AUP1: variants seen among roughly 807,000 people sequenced by gnomAD.
AUP1 encodes the protein lipid droplet-regulating VLDL assembly factor AUP1.
In AUP1, 30 loss-of-function variants were observed where a neutral mutation model predicts 51.8. The ratio of observed to expected loss-of-function variants is 0.58; its 90% CI spans 0.43 to 0.79. AUP1 has a LOEUF of 0.79. Ranked by LOEUF, AUP1 falls within the 30% of genes least tolerant of loss-of-function variation. The pLI is 0.00. For synonymous variants in AUP1, 227 were observed against 209.0 expected (o/e 1.09, Z -0.74); for missense variants, 492 against 517.1 (o/e 0.95, Z 0.47).
At chr2:74,528,970 A>G in intron 3 of AUP1, 35 bp from the exon 4 acceptor site, 2 of 1,598,332 alleles carry the variant, frequency 1.3e-6, no homozygotes, top group Non-Finnish European at 1.7e-6. Context: ...AAGAAGAAAA[A>G]TATTGAGGAA....
Position 74,526,830 on chromosome 2 carries a change from G to GAA in AUP1, c.1201_1202dup (p.Thr402SerfsTer?). The GAA allele has an allele frequency of 1.3e-6, 2 of 1,560,030 alleles. No homozygotes were observed. Among genetic ancestry groups the GAA allele is most frequent in the Non-Finnish European group, 1.7e-6 (2 of 1,150,674 alleles). On this transcript the variant is annotated frameshift_variant, in exon 12 of 12. Coordinates refer to ENST00000377526, the MANE Select transcript of AUP1 (RefSeq NM_181575.5). LOFTEE classifies it high-confidence loss of function. ...CAGCCTCCTGGGCTCGTCTCTCTGT[G>GAA]AATCTCCTGTGGGACATAGGGAGAG...
chr2:74,528,032 G>C, intron 6 of AUP1, 26 bp from the exon 7 acceptor site: 1 of 1,613,766 alleles, frequency 6.2e-7, no homozygotes, highest in Non-Finnish European at 8.5e-7. Context: ...CCAGGGCTAT[G>C]TTGTGGGCAC....
Position 74,528,785 on chromosome 2 carries a change from C to A in AUP1, c.490G>T (p.Ala164Ser), listed in dbSNP as rs1236301406. 6.2e-7 allele frequency: 1 copy of A among 1,611,492 alleles called. No individual in the cohort carries two copies. The highest frequency in any genetic ancestry group is 8.5e-7 in the Non-Finnish European group (1 of 1,178,704). The change falls in exon 4 of 12, where the codon GCC becomes TCC. Residue 164 changes from alanine (A) to serine (S), a missense_variant. Transcript: ENST00000377526. ...AGGAGCCCCTCCCGGCCATTGGTGGCCTCTTCCTCAGGGAATAGCAGCAGA... is the reference window on the plus strand; with the variant it reads ...AGGAGCCCCTCCCGGCCATTGGTGGACTCTTCCTCAGGGAATAGCAGCAGA... Reference protein sequence around the residue: ...TPLLLFPEEEATNGREGLLRF... With the variant: ...TPLLLFPEEESTNGREGLLRF...
rs1412217284 is a variant in AUP1 at position 74,527,040 on chromosome 2, A to G, written c.1097T>C (p.Val366Ala). The change falls in exon 11 of 12, where the codon GTG becomes GCG. Residue 366 changes from valine (V) to alanine (A), a missense_variant. Val to Ala is a moderately conservative substitution (Grantham distance 64). Transcript: ENST00000377526. ...SASKFPSSGP[V>A]TPQPTALTFA... ...TGTTAGGGCTGTTGGCTGAGGGGTC[A>G]CCGGGCCAGAGCTGGGAAACTGAGG... The G allele has an allele frequency of 3.1e-6, 5 of 1,614,072 alleles. No homozygotes were observed. Among genetic ancestry groups the G allele is most frequent in the Non-Finnish European group, 4.2e-6 (5 of 1,180,038 alleles).
chr2:74,528,426 CA>C lies in AUP1; in HGVS notation c.587del (p.Leu196ArgfsTer4). ...TTCAACACACACTCACCACAGAGAC[CA>C]GGGGTCTCTGAACTTGCAGGGTAAG... ...QPLTLQVQRP[L>X]VSVTVSDASW... is the part of the protein sequence containing the mutation. On this transcript the variant is annotated frameshift_variant, in exon 5 of 12. Transcript: ENST00000377526. LOFTEE classifies it high-confidence loss of function. 6.2e-7 allele frequency: 1 copy of C among 1,613,694 alleles called. No homozygotes were observed. The highest frequency in any genetic ancestry group is 8.5e-7 in the Non-Finnish European group (1 of 1,179,694).
chr2:74,528,377 C>T (rs1191403063), intron 5 of AUP1, 40 bp downstream of exon 5: 2 of 1,611,772 alleles, frequency 1.2e-6, no homozygotes, highest in South Asian at 2.2e-5. Context: ...GGAAATTTCC[C>T]CTTCAAGCCC....
intron 5 of AUP1, 30 bp downstream of exon 5, chr2:74,528,387 C>A (rs535289507): frequency 6.2e-7 from 1 of 1,612,258 alleles, no homozygotes; most frequent in Admixed American, 1.7e-5. Flanking sequence ...CCTTCAAGCC[C>A]CAGAGATTCC....
intron 7 of AUP1, 48 bp downstream of exon 7, chr2:74,527,892 C>G (rs1256872648): frequency 1.2e-6 from 2 of 1,613,458 alleles, no homozygotes; most frequent in African/African-American, 2.7e-5. Context: ...TCCTCCCTCT[C>G]CTCCTAAGCA....
At chr2:74,528,125 T>G (rs1356698513) in intron 6 of AUP1, 119 bp from the exon 7 acceptor site, 1 of 1,480,816 alleles carries the variant, frequency 6.8e-7, no homozygotes, top group Admixed American at 1.7e-5. Flanking sequence ...GTAAATACTT[T>G]GTGTTGCCTC....
chr2:74,528,511 A>G, intron 4 of AUP1, 22 bp from the exon 5 acceptor site: 1 of 1,600,036 alleles, frequency 6.2e-7, no homozygotes, highest in Non-Finnish European at 8.6e-7. Flanking sequence ...AGGAGAAAGT[A>G]GGATGGGAAT....
At chr2:74,528,214 T>C (rs1437643780) in intron 6 of AUP1, 34 bp downstream of exon 6, 2 of 1,596,638 alleles carry the variant, frequency 1.3e-6, no homozygotes, top group Admixed American at 1.7e-5. Flanking sequence ...GGTGAGCCTC[T>C]CCCCAGCGAC....
In AUP1 at chr2:74,527,038, T is replaced by A; in HGVS notation, c.1099A>T (p.Thr367Ser). ...ASKFPSSGPVTPQPTALTFAK... is the reference protein window; with the variant it reads ...ASKFPSSGPVSPQPTALTFAK... ...AATGTTAGGGCTGTTGGCTGAGGGG[T>A]CACCGGGCCAGAGCTGGGAAACTGA... The change falls in exon 11 of 12, where the codon ACC becomes TCC. Residue 367 changes from threonine to serine, a missense_variant. By Grantham distance (58) the Thr-to-Ser change is moderately conservative. Transcript: ENST00000377526. The A allele has an allele frequency of 6.2e-7, 1 of 1,613,966 alleles. No individual in the cohort carries two copies. The highest frequency in any genetic ancestry group is 8.5e-7 in the Non-Finnish European group (1 of 1,180,000).
intron 6 of AUP1, 103 bp from the exon 7 acceptor site, chr2:74,528,109 A>C (rs1327298943): frequency 1.4e-5 from 21 of 1,488,420 alleles, no homozygotes; most frequent in Non-Finnish European, 2.0e-5. Flanking sequence ...GAAAATAGTA[A>C]ATACTGTAAA....
At position 74,526,826 on chromosome 2, in the gene AUP1, C is replaced by T; in HGVS notation, c.1207G>A (p.Glu403Lys). Residue 403 changes from glutamate (E) to lysine (K), a missense_variant, in exon 12 of 12, where the codon GAG becomes AAG. Coordinates refer to ENST00000377526, the MANE Select transcript of AUP1 (RefSeq NM_181575.5). ...CAGTCAGCCTCCTGGGCTCGTCTCT[C>T]TGTGAATCTCCTGTGGGACATAGGG... ...LYEYARRRFTERRAQEAD is the reference protein window; with the variant it reads ...LYEYARRRFTKRRAQEAD The T allele has an allele frequency of 1.3e-6, 2 of 1,557,576 alleles. No homozygotes were observed. Among genetic ancestry groups the T allele is most frequent in the Admixed American group, 1.8e-5 (1 of 54,830 alleles).
chr2:74,528,058 T>C lies in AUP1; in HGVS notation c.672-52A>G. The C allele has an allele frequency of 2.5e-6, 4 of 1,600,010 alleles. No homozygotes were observed. In the South Asian group the frequency reaches 4.4e-5, roughly 18 times the overall value. On this transcript the variant is annotated intron_variant, in intron 6 of 11. Transcript: ENST00000377526. ...TTGTGGGCACCCAGGGTAGAGGCTG[T>C]CACCATTCCCCACTTTGGTACCTCT...
Position 74,527,067 on chromosome 2 carries a change from G to T in AUP1, c.1078-8C>A, listed in dbSNP as rs750936093. ...CGGGCCAGAGCTGGGAAACTGAGGT[G>T]ATCACAATGTCAGAGGGCTTGCGGA... On this transcript the variant is annotated splice_polypyrimidine_tract_variant and splice_region_variant and intron_variant, in intron 10 of 11. Transcript: ENST00000377526. The T allele has an allele frequency of 1.2e-6, 2 of 1,614,158 alleles. No homozygotes were observed. The highest frequency in any genetic ancestry group is 2.2e-5 in the South Asian group (2 of 91,052).
At chr2:74,528,151 A>G (rs1675289317) in intron 6 of AUP1, 97 bp downstream of exon 6, 1 of 1,480,188 alleles carries the variant, frequency 6.8e-7, no homozygotes, top group Admixed American at 1.7e-5. Context: ...TAGAACCTTG[A>G]TATAAAGATC....
Position 74,529,586 on chromosome 2 carries a change from G to C in AUP1, c.44C>G (p.Ser15Trp), listed in dbSNP as rs759024170. 3.6e-5 allele frequency: 56 copies of C among 1,566,726 alleles called. No homozygotes were observed. Among genetic ancestry groups the C allele is most frequent in the Admixed American group, 1.8e-5 (1 of 54,084 alleles). The part of the protein sequence containing the change: ...SGPGPERLFD[S>W]HRLPGDCFLL... ...TTCCCGCCGGGTCTCTTACCGGTGC[G>C]AGTCAAAGAGCCGCTCCGGCCCCGG... Residue 15 changes from serine (S) to tryptophan (W), a missense_variant, in exon 1 of 12, where the codon TCG (serine) becomes TGG (tryptophan). Coordinates refer to ENST00000377526, the MANE Select transcript of AUP1 (RefSeq NM_181575.5).
rs746943445 is a variant in AUP1, at chr2:74,527,566, G to C, written c.866C>G (p.Pro289Arg). ...CAGTTGCACATCAGGAGAAGGACCAGGGGAGGGAGGGAAAGAAGACTGGGC... is the reference window on the plus strand; with the variant it reads ...CAGTTGCACATCAGGAGAAGGACCACGGGAGGGAGGGAAAGAAGACTGGGC... ...QSAQSSFPPS[P>R]GPSPDVQLAT... The change falls in exon 9 of 12, where the codon CCT (proline) becomes CGT (arginine). Residue 289 changes from proline to arginine, a missense_variant. Physicochemically the swap from Pro to Arg is moderately radical, Grantham distance 103 (BLOSUM62 -2). Transcript: ENST00000377526. 29 of 1,610,310 alleles carry C rather than the reference G, an allele frequency of 1.8e-5. No homozygotes were observed. Among genetic ancestry groups the C allele is most frequent in the Admixed American group, 1.7e-5 (1 of 58,938 alleles).
Sources: allele counts gnomAD v4.1 joint callset, GRCh38; gene constraint gnomAD v4.1.1; transcripts MANE v1.5; gene names NCBI Gene and HGNC (gene_info 2026-07-23, HGNC 2026-07-21).